ADAMTS12: variants seen among roughly 807,000 people sequenced by gnomAD.
ADAMTS12 encodes the protein A disintegrin and metalloproteinase with thrombospondin motifs 12.
ADAMTS12 carries 118 observed loss-of-function variants against 167.8 expected under a neutral mutation model. The observed-to-expected ratio is 0.70, with a 90% CI of 0.61 to 0.82. The LOEUF is 0.82. Ranked by LOEUF, ADAMTS12 falls within the 40% of genes least tolerant of loss-of-function variation. ADAMTS12 has a pLI of 0.00. For synonymous variants in ADAMTS12, 704 were observed against 716.9 expected, an observed-to-expected ratio of 0.98 and a Z score of 0.29; for missense variants, 1,916 against 1,998.8, an observed-to-expected ratio of 0.96 and a Z score of 0.79.
At chr5:33,630,982 T>G in intron 12 of ADAMTS12, 69 bp from the exon 13 acceptor site, 4 of 1,577,870 alleles carry the variant, frequency 2.5e-6, no homozygotes, top group Non-Finnish European at 2.6e-6. Flanking sequence ...CCAGGATTCC[T>G]CCGTACTTAG....
intron 23 of ADAMTS12, among the ~76,000 whole-genome samples, chr5:33,531,566 T>C (rs1349975279): frequency 6.6e-6 from 1 of 152,228 alleles, no homozygotes; most frequent in African/African-American, 2.4e-5. Flanking sequence ...GGAAATTGAA[T>C]GTTGTCTCAA....
chr5:33,776,638 C>T (rs1036727174), intron 2 of ADAMTS12, among the ~76,000 whole-genome samples: 1 of 151,868 alleles, frequency 6.6e-6, no homozygotes, highest in African/African-American at 2.4e-5. Context: ...CTCAAACAAC[C>T]TAGCTATATA....
intron 7 of ADAMTS12, among the ~76,000 whole-genome samples, chr5:33,656,293 G>A (rs976554368): frequency 7.9e-5 from 12 of 152,044 alleles, no homozygotes; most frequent in African/African-American, 2.4e-4. Context: ...TTAAGTGTTC[G>A]GAGAAATTGT....
chr5:33,768,002 A>G (rs1371995209), intron 2 of ADAMTS12, among the ~76,000 whole-genome samples: 1 of 152,206 alleles, frequency 6.6e-6, no homozygotes, highest in African/African-American at 2.4e-5. Flanking sequence ...TAATCAGTAG[A>G]TAAACCAACA....
At chr5:33,803,525 G>A (rs139261998) in intron 2 of ADAMTS12, among the ~76,000 whole-genome samples, 4 of 152,278 alleles carry the variant, frequency 2.6e-5, no homozygotes, top group Admixed American at 1.3e-4. Flanking sequence ...CTACTTTCAT[G>A]TTCTCCAATG....
At chr5:33,739,361 G>T (rs1371831103) in intron 3 of ADAMTS12, among the ~76,000 whole-genome samples, 4 of 152,150 alleles carry the variant, frequency 2.6e-5, no homozygotes, top group African/African-American at 9.7e-5. Flanking sequence ...TAGCTGAAAT[G>T]CTAGGTCCTG....
intron 2 of ADAMTS12, among the ~76,000 whole-genome samples, chr5:33,838,842 T>C (rs999295061): frequency 5.9e-5 from 9 of 152,004 alleles, no homozygotes; most frequent in Non-Finnish European, 1.3e-4. Context: ...TACCACAGAA[T>C]AAGGAAGGTC....
chr5:33,741,139 G>C (rs1744561984), intron 3 of ADAMTS12, among the ~76,000 whole-genome samples: 1 of 152,182 alleles, frequency 6.6e-6, no homozygotes, highest in Non-Finnish European at 1.5e-5. Flanking sequence ...GTGCTCCTGG[G>C]TTGGCAGAAG....
chr5:33,706,191 C>T (rs955985720), intron 3 of ADAMTS12, among the ~76,000 whole-genome samples: 4 of 151,998 alleles, frequency 2.6e-5, no homozygotes, highest in Admixed American at 6.6e-5. Flanking sequence ...TTCCCTTCCC[C>T]CTTCATCTCA....
chr5:33,883,346 T>G (rs1448554052), intron 1 of ADAMTS12, among the ~76,000 whole-genome samples: 50 of 145,462 alleles, frequency 3.4e-4, no homozygotes, highest in African/African-American at 8.2e-4. Flanking sequence ...TTTTTTGTTT[T>G]TTTTTTTTCC....
chr5:33,556,824 T>C (rs1258199922), intron 20 of ADAMTS12, among the ~76,000 whole-genome samples: 1 of 152,192 alleles, frequency 6.6e-6, no homozygotes. Flanking sequence ...AAGCCAGCCA[T>C]GCAGCTGTGT....
intron 3 of ADAMTS12, among the ~76,000 whole-genome samples, chr5:33,731,020 T>C (rs1269756613): frequency 6.6e-6 from 1 of 152,134 alleles, no homozygotes; most frequent in Non-Finnish European, 1.5e-5. Flanking sequence ...CATCCGTAAA[T>C]AGGGATAGTA....
In ADAMTS12 at chr5:33,536,406, C is replaced by G. The variant is rs532433640; in HGVS notation, c.4447-1414G>C. 2.0e-5 allele frequency among the ~76,000 whole-genome samples: 3 copies of G among 152,290 alleles called. No homozygotes were observed. The South Asian group carries it at 6.2e-4, about 32-fold the overall frequency. On this transcript the variant is annotated intron_variant, in intron 22 of 23. Transcript: ENST00000504830. ...TGGCAAGGGGGAGCTAAAGATAGAT[C>G]AGTGTAATTTTACAGGTTCCAAAAT...
At chr5:33,662,098 T>TAG in intron 5 of ADAMTS12, 58 bp from the exon 6 acceptor site, 1 of 1,585,970 alleles carries the variant, frequency 6.3e-7, no homozygotes, top group Non-Finnish European at 8.5e-7. Context: ...CAGGGACCAT[T>TAG]GCATTAGGCA....
chr5:33,642,609 C>T (rs1473103499), intron 10 of ADAMTS12, among the ~76,000 whole-genome samples: 1 of 152,232 alleles, frequency 6.6e-6, no homozygotes, highest in Non-Finnish European at 1.5e-5. Context: ...TCAAGGCAAT[C>T]CTTCCACGAC....
chr5:33,543,728 A>G (rs1408086905), intron 22 of ADAMTS12, among the ~76,000 whole-genome samples: 1 of 152,186 alleles, frequency 6.6e-6, no homozygotes, highest in Non-Finnish European at 1.5e-5. Flanking sequence ...AATAAATGTA[A>G]TCTATCACAT....
At chr5:33,751,349 A>C (rs1530507) in intron 3 of ADAMTS12, 55 bp downstream of exon 3, 4 of 1,611,832 alleles carry the variant, frequency 2.5e-6, no homozygotes, top group Admixed American at 3.3e-5. Flanking sequence ...TTAATAAAAC[A>C]ACCAAAAGAA....
chr5:33,640,793 A>G (rs1212350917), intron 11 of ADAMTS12, among the ~76,000 whole-genome samples: 1 of 150,654 alleles, frequency 6.6e-6, no homozygotes, highest in Non-Finnish European at 1.5e-5. Flanking sequence ...TAACTTATTA[A>G]CCCTTAGAAA....
At chr5:33,570,026 C>A (rs924107392) in intron 19 of ADAMTS12, among the ~76,000 whole-genome samples, 7 of 151,956 alleles carry the variant, frequency 4.6e-5, no homozygotes, top group Admixed American at 4.6e-4. Flanking sequence ...TGAAATGAAG[C>A]AAGAAGGGAA....
Sources: allele counts gnomAD v4.1 joint callset (sites outside exome capture counted in the v4.1 genomes callset), GRCh38; gene constraint gnomAD v4.1.1; transcripts MANE v1.5; gene names NCBI Gene and HGNC (gene_info 2026-07-23, HGNC 2026-07-21).